The following DISP3 variants were observed in gnomAD, a reference collection of about 807,000 sequenced individuals.
DISP3 encodes the protein dispatched RND transporter family member 3.
A neutral mutation model predicts 135.3 loss-of-function variants in DISP3; 101 were observed. The observed-to-expected ratio is 0.75, with a 90% CI of 0.64 to 0.88. DISP3 has a LOEUF of 0.88. Ranked by LOEUF, DISP3 falls within the 40% of genes least tolerant of loss-of-function variation. DISP3 has a pLI of 0.00. For missense variants in DISP3, 1,713 were observed against 1,878.6 expected (o/e 0.91, Z 1.63); for synonymous variants, 856 against 817.0 (o/e 1.05, Z -0.81).
At chr1:11,485,719 C>G (rs1641020353) in intron 1 of DISP3, among the ~76,000 whole-genome samples, 1 of 152,170 alleles carries the variant, frequency 6.6e-6, no homozygotes, top group South Asian at 2.1e-4. Flanking sequence ...ATGTTTACTA[C>G]CTGCCGGGCC....
At chr1:11,512,860 T>C (rs547195314) in intron 3 of DISP3, among the ~76,000 whole-genome samples, 1 of 152,254 alleles carries the variant, frequency 6.6e-6, no homozygotes, top group Admixed American at 6.5e-5. Flanking sequence ...CTCAGAATCA[T>C]GGCAGGAGGC....
At chr1:11,490,032 T>C (rs539011233) in intron 1 of DISP3, among the ~76,000 whole-genome samples, 1 of 152,184 alleles carries the variant, frequency 6.6e-6, no homozygotes, top group Non-Finnish European at 1.5e-5. Flanking sequence ...GGTGCTGGAC[T>C]GGCTGCTGGG....
In DISP3 at chr1:11,483,286, T is replaced by C. The variant is rs1640954267; in HGVS notation, c.-4+3914T>C. Among the ~76,000 whole-genome samples, 1 of 152,246 alleles carries C rather than the reference T, an allele frequency of 6.6e-6. No homozygotes were observed. On this transcript the variant is annotated intron_variant, in intron 1 of 20. Coordinates refer to ENST00000294484, the MANE Select transcript of DISP3 (RefSeq NM_020780.2). The surrounding 1 kb of genome is among the most constrained non-coding windows in gnomAD (Gnocchi z 5.4). ...AGACATGGCTGATGGCCTCAGGTCC[T>C]CCGCCTTATGATGGGAGGCTGGTGA...
In DISP3 at chr1:11,534,411, A is replaced by G; in HGVS notation, c.3406A>G (p.Thr1136Ala). The change falls in exon 18 of 21, where the codon ACC (threonine) becomes GCC (alanine). Residue 1136 changes from threonine to alanine, a missense_variant. Around this residue, in one of 2 missense-constraint regions of DISP3, gnomAD observed 1,142 missense variants for 1,384.6 expected, o/e 0.82. Coordinates refer to ENST00000294484, the MANE Select transcript of DISP3 (RefSeq NM_020780.2). ...GTACAAGGGCAAATCCTCCTTCCAG[A>G]CCTACTCGGACTACCTGCGCTGGGA... ...TTYKGKSSFQ[T>A]YSDYLRWESF... The G allele has an allele frequency of 3.7e-6, 6 of 1,614,140 alleles. No homozygotes were observed. Among genetic ancestry groups the G allele is most frequent in the Non-Finnish European group, 5.1e-6 (6 of 1,180,014 alleles).
At chr1:11,509,750 C>G (rs1641806149) in intron 3 of DISP3, among the ~76,000 whole-genome samples, 1 of 152,110 alleles carries the variant, frequency 6.6e-6, no homozygotes, top group South Asian at 2.1e-4. Context: ...TATCCCTTTG[C>G]TTTTATCCTA....
chr1:11,515,597 G>A (rs1217876542), intron 5 of DISP3, 94 bp downstream of exon 5: 7 of 1,500,510 alleles, frequency 4.7e-6, no homozygotes, highest in African/African-American at 2.8e-5. Context: ...GCTTCCCTGG[G>A]GGCTCTACAC....
chr1:11,487,155 G>A (rs1641058551), intron 1 of DISP3, among the ~76,000 whole-genome samples: 1 of 152,218 alleles, frequency 6.6e-6, no homozygotes, highest in South Asian at 2.1e-4. Flanking sequence ...ACAAAGGGAA[G>A]GGTCCTTCTC....
rs775042952 is a variant in DISP3, at chr1:11,531,449, A to G, written c.3230-116A>G. The G allele has an allele frequency of 2.1e-5, 31 of 1,453,140 alleles. No individual in the cohort carries two copies. Among genetic ancestry groups the G allele is most frequent in the East Asian group, 2.3e-5 (1 of 43,192 alleles). 90.0% of individuals were successfully genotyped at this position (1,453,140 alleles called of 1,614,324 possible). On this transcript the variant is annotated intron_variant, in intron 16 of 20. Coordinates refer to ENST00000294484, the MANE Select transcript of DISP3 (RefSeq NM_020780.2). This position sits in a 1 kb window ranked among gnomAD's most constrained non-coding sequence, Gnocchi z 5.2. ...TGTAGGTTTCCCAATGCCGTTGCCA[A>G]TGGTTACAAGCACTCTAAGCCTCAG...
intron 5 of DISP3, 45 bp from the exon 6 acceptor site, chr1:11,515,956 G>C: frequency 6.2e-7 from 1 of 1,600,268 alleles, no homozygotes; most frequent in Non-Finnish European, 8.5e-7. Flanking sequence ...TAATCCTGGA[G>C]ACAGCAGAAT....
At chr1:11,521,423 G>A (rs1642189928) in intron 10 of DISP3, among the ~76,000 whole-genome samples, 3 of 123,160 alleles carry the variant, frequency 2.4e-5, no homozygotes, top group Non-Finnish European at 5.2e-5. Context: ...GGAGGGAAGG[G>A]GTTAGCCAGG....
In DISP3 at chr1:11,537,345, A is replaced by T. The variant is rs962791766; in HGVS notation, c.*659A>T. On this transcript the variant is annotated 3_prime_UTR_variant, in exon 21 of 21. Coordinates refer to ENST00000294484, the MANE Select transcript of DISP3 (RefSeq NM_020780.2). ...CCCGGCTTGGGCTTCTGCATGTCCTACCCCTGACCCCAGCCTCAAGGGGCC... is the reference window on the plus strand; with the variant it reads ...CCCGGCTTGGGCTTCTGCATGTCCTTCCCCTGACCCCAGCCTCAAGGGGCC... 6.6e-6 allele frequency: 1 copy of T among 151,522 alleles called. No homozygotes were observed. Among genetic ancestry groups the T allele is most frequent in the Non-Finnish European group, 1.5e-5 (1 of 68,126 alleles). The allele number at this position is 151,522 out of a possible 1,614,324, so 9.4% of individuals were successfully genotyped here.
In DISP3 at chr1:11,497,546, G is replaced by A. The variant is rs903001445; in HGVS notation, c.-3-3444G>A. On this transcript the variant is annotated intron_variant, in intron 1 of 20. Transcript: ENST00000294484. ...TGGGACTACAGGCGCCTGCAACCACGCCCAGCTAATTTTTTGTATTTTTAG... is the reference window on the plus strand; with the variant it reads ...TGGGACTACAGGCGCCTGCAACCACACCCAGCTAATTTTTTGTATTTTTAG... 7.2e-5 allele frequency among the ~76,000 whole-genome samples: 11 copies of A among 152,068 alleles called. No individual in the cohort carries two copies. The East Asian group carries it at 1.9e-3, about 27-fold the overall frequency.
chr1:11,511,082 C>G (rs1641844250), intron 3 of DISP3, among the ~76,000 whole-genome samples: 1 of 152,204 alleles, frequency 6.6e-6, no homozygotes, highest in African/African-American at 2.4e-5. Flanking sequence ...CCTCTTGGGT[C>G]CCTCCCACAA....
chr1:11,515,643 G>T (rs1641989539), intron 5 of DISP3, 140 bp downstream of exon 5: 3 of 1,316,242 alleles, frequency 2.3e-6, no homozygotes, highest in Non-Finnish European at 3.1e-6. Flanking sequence ...GGAGTGCAGG[G>T]TTAGAATGTG....
chr1:11,526,963 C>G (rs1374523548), intron 13 of DISP3, 128 bp downstream of exon 13: 10 of 1,139,614 alleles, frequency 8.8e-6, no homozygotes, highest in Admixed American at 2.9e-5. Context: ...TTTTTTCTTA[C>G]TCTGTTGCCC....
rs75426140 is a variant in DISP3 at position 11,525,777 on chromosome 1, C to T, written c.2613+465C>T. On this transcript the variant is annotated intron_variant, in intron 12 of 20. Coordinates refer to ENST00000294484, the MANE Select transcript of DISP3 (RefSeq NM_020780.2). ...TCCCCGAGCCCAGACTTGAGTTTTCCCCTTCATGGGAGTCATTTGTGTTTC... is the reference window on the plus strand; with the variant it reads ...TCCCCGAGCCCAGACTTGAGTTTTCTCCTTCATGGGAGTCATTTGTGTTTC... Among the ~76,000 whole-genome samples the T allele has an allele frequency of 6.2e-3, 943 of 152,184 alleles. 12 individuals are homozygous for T. Among genetic ancestry groups the T allele is most frequent in the African/African-American group, 0.021 (871 of 41,528 alleles).
chr1:11,533,637 G>T (rs1469952342), intron 17 of DISP3: 1 of 638,416 alleles, frequency 1.6e-6, no homozygotes, highest in Non-Finnish European at 2.9e-6. Context: ...GCAGACTGAA[G>T]CCCCAGGCAG....
intron 11 of DISP3, among the ~76,000 whole-genome samples, 165 bp downstream of exon 11, chr1:11,524,220 C>T (rs913899253): frequency 6.6e-6 from 1 of 152,024 alleles, no homozygotes; most frequent in African/African-American, 2.4e-5. Flanking sequence ...TTGGGGCCCT[C>T]ACCTCCCATC....
At chr1:11,506,894 T>C (rs1277906407) in intron 3 of DISP3, among the ~76,000 whole-genome samples, 1 of 152,182 alleles carries the variant, frequency 6.6e-6, no homozygotes, top group East Asian at 1.9e-4. Flanking sequence ...CTGAAACTCC[T>C]GGGCTCAGGT....
Sources: allele counts gnomAD v4.1 joint callset (sites outside exome capture counted in the v4.1 genomes callset), GRCh38; gene constraint gnomAD v4.1.1; regional missense constraint gnomAD v4.1.1; non-coding constraint Gnocchi (gnomAD v3.1); transcripts MANE v1.5; gene names NCBI Gene and HGNC (gene_info 2026-07-23, HGNC 2026-07-21).